The following DHRS12 variants were observed in gnomAD, a reference collection of about 807,000 sequenced individuals.
DHRS12 encodes dehydrogenase/reductase 12.
A neutral mutation model predicts 32.1 loss-of-function variants in DHRS12; 29 were observed. The ratio of observed to expected loss-of-function variants is 0.90; its 90% CI spans 0.67 to 1.23. The LOEUF (loss-of-function observed/expected upper bound fraction) is 1.23. DHRS12 is among the 50% of genes most tolerant of loss of function. The probability of loss-of-function intolerance (pLI) is 0.00; values close to 1 mark genes in which losing one functional copy is unlikely to be tolerated. For synonymous variants in DHRS12, 150 were observed against 135.9 expected, an observed-to-expected ratio of 1.10 and a Z score of -0.72; for missense variants, 330 against 337.2, an observed-to-expected ratio of 0.98 and a Z score of 0.17.
chr13:51,758,311 A>T, the DHRS12 span: 3 of 1,564,720 alleles, frequency 1.9e-6, no homozygotes, highest in Non-Finnish European at 1.8e-6. Flanking sequence ...GTAAGATGCC[A>T]TCTTATTAAG....
the DHRS12 span, chr13:51,759,661 C>T: frequency 4.2e-6 from 6 of 1,412,508 alleles, no homozygotes; most frequent in Non-Finnish European, 5.9e-6. Context: ...AAAAAAATTT[C>T]CTTGAAGAAT....
At chr13:51,789,385 A>T in intron 4 of DHRS12, 1 of 247,444 alleles carries the variant, frequency 4.0e-6, no homozygotes, top group Non-Finnish European at 6.4e-6. Flanking sequence ...AGTGTGCACC[A>T]GAATCATCCA....
chr13:51,771,825 G>T lies in DHRS12; in HGVS notation c.555C>A (p.Thr185=), dbSNP rs541093323. The change falls in exon 7 of 9, where the codon ACC becomes ACA. Residue 185 remains threonine (T), a synonymous_variant. Transcript: ENST00000444610. The stretch of plus-strand genomic sequence containing the variant: ...CAATTAAAGGCTATGACATACCTGG[G>T]GTGTCGGCCCAGCCAGGATGCATGG... ...FSSMHPGWAD[T]PGVRQAMPGF... The T allele has an allele frequency of 2.5e-6, 4 of 1,613,986 alleles. No individual in the cohort carries two copies. In the Admixed American group the frequency reaches 5.0e-5, roughly 20 times the overall value.
At chr13:51,760,096 T>G in the DHRS12 span, 1 of 233,310 alleles carries the variant, frequency 4.3e-6, no homozygotes, top group Admixed American at 5.2e-5. Context: ...CCCATTTTAC[T>G]TGTTGCTTTG....
At chr13:51,764,724 C>G (rs1173807816), downstream of DHRS12, 1 of 152,240 alleles carries the variant, frequency 6.6e-6, no homozygotes, top group Non-Finnish European at 1.5e-5. Context: ...GAACTGTTAA[C>G]TGAAGGTGAC....
At chr13:51,760,524 A>C in the DHRS12 span, 1 of 151,954 alleles carries the variant, frequency 6.6e-6, no homozygotes, top group African/African-American at 2.4e-5. Context: ...TTTAACTCAG[A>C]GCTTCAACGA....
At chr13:51,779,658 T>G (rs1954611592) in intron 4 of DHRS12, among the ~76,000 whole-genome samples, 1 of 152,242 alleles carries the variant, frequency 6.6e-6, no homozygotes, top group Non-Finnish European at 1.5e-5. Context: ...TCACCTTAGC[T>G]GCTGACAGGT....
At chr13:51,767,795 GGGT>G (rs1953812462), downstream of DHRS12, 13 of 98,664 alleles carry the variant, frequency 1.3e-4, no homozygotes, top group African/African-American at 3.5e-4. Flanking sequence ...GGGGGGGGGG[GGGT>G]GCACAGCGCC....
intron 2 of DHRS12, among the ~76,000 whole-genome samples, chr13:51,798,585 T>C (rs766129695): frequency 4.6e-5 from 7 of 152,208 alleles, no homozygotes; most frequent in Non-Finnish European, 8.8e-5. Flanking sequence ...CACTAGCCCC[T>C]CTTCTCTCCT....
intron 2 of DHRS12, among the ~76,000 whole-genome samples, chr13:51,799,188 G>A (rs1419613144): frequency 6.6e-6 from 1 of 152,188 alleles, no homozygotes; most frequent in Non-Finnish European, 1.5e-5. Context: ...ATGAGTTAGA[G>A]ACCAGGTGTT....
At chr13:51,788,241 T>C (rs1484298877) in intron 4 of DHRS12, among the ~76,000 whole-genome samples, 2 of 152,140 alleles carry the variant, frequency 1.3e-5, no homozygotes, top group Non-Finnish European at 2.9e-5. Context: ...TGCGGCACTC[T>C]GGGAGTCTCA....
At position 51,773,976 on chromosome 13, in the gene DHRS12, G is replaced by T. The variant is rs1418370503; in HGVS notation, c.422C>A (p.Ser141Tyr). The change falls in exon 6 of 9, where the codon TCC becomes TAC. Residue 141 changes from serine to tyrosine, a missense_variant. By Grantham distance (144) the Ser-to-Tyr change is moderately radical (BLOSUM62 -2). Coordinates refer to ENST00000444610, the MANE Select transcript of DHRS12 (RefSeq NM_001377533.1). ...AGTTCCATCAAATGGTGTTCTTTCG[G>T]ACTGGAGATCATTGGTGTTCAGTTT... ...VQKLNTNDLQ[S>Y]ERTPFDGTMV... The T allele has an allele frequency of 1.5e-5, 24 of 1,613,912 alleles. No homozygotes were observed. The highest frequency in any genetic ancestry group is 2.0e-5 in the Non-Finnish European group (24 of 1,179,962).
chr13:51,781,408 C>T (rs1593530903), intron 4 of DHRS12, among the ~76,000 whole-genome samples: 1 of 152,120 alleles, frequency 6.6e-6, no homozygotes, highest in East Asian at 1.9e-4. Flanking sequence ...AGTGCCAGAC[C>T]CAGTGCTAAG....
chr13:51,771,965 C>T, intron 6 of DHRS12, 54 bp from the exon 7 acceptor site: 1 of 1,574,728 alleles, frequency 6.4e-7, no homozygotes, highest in Non-Finnish European at 8.7e-7. Context: ...CCATTAGGTG[C>T]AAGGGCAGGG....
At chr13:51,778,504 G>C (rs1016623177) in intron 4 of DHRS12, among the ~76,000 whole-genome samples, 4 of 152,172 alleles carry the variant, frequency 2.6e-5, no homozygotes, top group African/African-American at 9.7e-5. Flanking sequence ...TTCACCGCCG[G>C]TGGCTTTCTC....
At position 51,797,884 on chromosome 13, in the gene DHRS12, C is replaced by A. The variant is rs370315872; in HGVS notation, c.126+1650G>T. 386 of 1,535,856 alleles carry A rather than the reference C, an allele frequency of 2.5e-4. 4 individuals carry two copies. The highest frequency in any genetic ancestry group is 1.4e-3 in the South Asian group (114 of 84,040). On this transcript the variant is annotated intron_variant, in intron 2 of 8. Transcript: ENST00000444610. ...GGCATCTTCTGCTGGGGCTTGATCTCGACAAACCAGGTGAACTGTGCCACC... is the reference window on the plus strand; with the variant it reads ...GGCATCTTCTGCTGGGGCTTGATCTAGACAAACCAGGTGAACTGTGCCACC...
At chr13:51,769,363 TAAAA>T (rs11374211) in intron 7 of DHRS12, 70 bp from the exon 8 acceptor site, 5 of 1,013,648 alleles carry the variant, frequency 4.9e-6, no homozygotes, top group Admixed American at 3.7e-5. Flanking sequence ...TCCCTTAATT[TAAAA>T]AAAAAAAAAA....
intron 7 of DHRS12, chr13:51,771,494 G>A (rs368614345): frequency 3.1e-6 from 5 of 1,614,022 alleles, no homozygotes; most frequent in South Asian, 2.2e-5. Flanking sequence ...GCTCATTCCT[G>A]TCTGACGTGG....
intron 2 of DHRS12, among the ~76,000 whole-genome samples, chr13:51,796,462 G>A (rs1446759195): frequency 6.6e-6 from 1 of 152,172 alleles, no homozygotes; most frequent in Non-Finnish European, 1.5e-5. Context: ...TGGAGGTGAG[G>A]GGGGCAGTAG....
Sources: gnomAD v4.1 joint callset for allele counts (sites outside exome capture counted in the v4.1 genomes callset) on GRCh38, gnomAD v4.1.1 for gene constraint, MANE v1.5 for transcripts, NCBI Gene and HGNC (gene_info 2026-07-23, HGNC 2026-07-21) for gene names.